DMXL1: variants seen among roughly 807,000 people sequenced by gnomAD.
DMXL1 encodes the protein Dmx like 1.
Under a neutral mutation model 319.2 loss-of-function variants are expected in DMXL1, and 99 were observed. The ratio of observed to expected loss-of-function variants is 0.31; its 90% confidence interval spans 0.26 to 0.37. The LOEUF is 0.37. DMXL1 is among the 10% of genes least tolerant of loss of function. The pLI, the probability that DMXL1 is intolerant of heterozygous loss-of-function variation, is 1.00. For missense variants in DMXL1, 3,745 were observed against 3,595.6 expected (o/e 1.04, Z -1.06); for synonymous variants, 1,385 against 1,235.2 (o/e 1.12, Z -2.54).
chr5:119,071,533 C>T lies in DMXL1; in HGVS notation c.-37C>T. The T allele has an allele frequency of 6.4e-7, 1 of 1,572,444 alleles. No individual in the cohort carries two copies. The highest frequency in any genetic ancestry group is 8.6e-7 in the Non-Finnish European group (1 of 1,156,246). ...AGCAGCCGCTGACCCGTGGCATGAG[C>T]TGGATGCGGTGTCCGTTGCAGGACT... On this transcript the variant is annotated 5_prime_UTR_variant, in exon 1 of 44. Coordinates refer to ENST00000539542, the MANE Select transcript of DMXL1 (RefSeq NM_001290321.3).
intron 23 of DMXL1, 118 bp from the exon 24 acceptor site, chr5:119,170,072 T>C: frequency 9.8e-7 from 1 of 1,016,686 alleles, no homozygotes; most frequent in Non-Finnish European, 1.4e-6. Context: ...GGCCTATTAG[T>C]AAAATTTTGT....
In DMXL1 at chr5:119,149,359, A is replaced by G. The variant is rs1335646522; in HGVS notation, c.3532A>G (p.Lys1178Glu). The G allele has an allele frequency of 5.0e-6, 8 of 1,613,836 alleles. No homozygotes were observed. Among genetic ancestry groups the G allele is most frequent in the African/African-American group, 1.3e-5 (1 of 74,914 alleles). The part of the protein sequence containing the change: ...LAGKVQDQTG[K>E]ETLAFPLWES... ...TGGCAAGGTACAAGACCAAACTGGT[A>G]AGGAAACCCTGGCATTTCCTCTCTG... The change falls in exon 18 of 44, where the codon AAG becomes GAG. Residue 1178 changes from lysine to glutamate, a missense_variant. Around this residue, in one of 4 missense-constraint regions of DMXL1, gnomAD observed 2,096 missense variants for 1,985.4 expected, o/e 1.06. Transcript: ENST00000539542.
chr5:119,147,176 G>A (rs1193206932), intron 16 of DMXL1, 73 bp from the exon 17 acceptor site: 15 of 1,351,450 alleles, frequency 1.1e-5, no homozygotes, highest in African/African-American at 1.5e-5. Flanking sequence ...GTTTTGGATT[G>A]TAAAATGTAA....
chr5:119,231,120 A>T (rs1240191139), intron 38 of DMXL1, among the ~76,000 whole-genome samples: 1 of 152,182 alleles, frequency 6.6e-6, no homozygotes, highest in Admixed American at 6.5e-5. Flanking sequence ...GAAGCATTAG[A>T]GATTCCCTTT....
In DMXL1 at chr5:119,128,420, C is replaced by T. The variant is rs1015171823; in HGVS notation, c.1103-791C>T. ...CTGCTGTTGATGCTTCTCTCCTCAG[C>T]AGCAGATCTCTTGCTGACTGACATA... On this transcript the variant is annotated intron_variant, in intron 9 of 43. Transcript: ENST00000539542. 5 of 203,050 alleles carry T rather than the reference C, an allele frequency of 2.5e-5. No homozygotes were observed. In the East Asian group the frequency reaches 5.7e-4, roughly 23 times the overall value. 12.6% of individuals were successfully genotyped at this position (203,050 alleles called of 1,614,324 possible). A position where few individuals can be genotyped will look rare whatever the true frequency, so the allele number is the denominator to read the frequency against.
intron 37 of DMXL1, among the ~76,000 whole-genome samples, chr5:119,223,346 C>T (rs1267922344): frequency 3.9e-5 from 6 of 152,132 alleles, no homozygotes; most frequent in African/African-American, 1.2e-4. Context: ...CATGAGCCAC[C>T]GTGCCCTGCC....
chr5:119,207,938 T>G (rs1459531175), intron 34 of DMXL1, among the ~76,000 whole-genome samples: 5 of 152,230 alleles, frequency 3.3e-5, no homozygotes, highest in African/African-American at 9.6e-5. Flanking sequence ...TTTTTAAGGT[T>G]ACTAATTTCT....
At chr5:119,077,721 T>C (rs1322957955) in intron 1 of DMXL1, among the ~76,000 whole-genome samples, 2 of 139,830 alleles carry the variant, frequency 1.4e-5, no homozygotes, top group African/African-American at 2.8e-5. Flanking sequence ...CTTAAAAATA[T>C]ATGTATGTGT....
chr5:119,088,576 C>T (rs746682378), intron 1 of DMXL1, among the ~76,000 whole-genome samples: 1 of 152,130 alleles, frequency 6.6e-6, no homozygotes, highest in African/African-American at 2.4e-5. Flanking sequence ...TCCTTTCTTA[C>T]TGTTATCCTT....
chr5:119,169,391 G>C (rs1422986435), intron 23 of DMXL1, among the ~76,000 whole-genome samples: 2 of 152,140 alleles, frequency 1.3e-5, no homozygotes, highest in African/African-American at 4.8e-5. Context: ...GATTACATAG[G>C]ACTGGATTTG....
intron 32 of DMXL1, among the ~76,000 whole-genome samples, chr5:119,200,061 G>T (rs1047744837): frequency 6.6e-6 from 1 of 152,126 alleles, no homozygotes; most frequent in Admixed American, 6.6e-5. Flanking sequence ...TTGTTTTGCA[G>T]AAGCTCTTAA....
intron 33 of DMXL1, 80 bp downstream of exon 33, chr5:119,203,516 A>G (rs1285198258): frequency 6.4e-6 from 5 of 783,704 alleles, no homozygotes; most frequent in Non-Finnish European, 9.4e-6. Context: ...AATGAGTTGT[A>G]TTTTACAGAT....
chr5:119,226,480 T>C (rs1423548154), intron 38 of DMXL1, among the ~76,000 whole-genome samples: 2 of 152,228 alleles, frequency 1.3e-5, no homozygotes, highest in African/African-American at 4.8e-5. Flanking sequence ...TTTTATAATT[T>C]TCTGAGTAGA....
chr5:119,097,973 T>C lies in DMXL1; in HGVS notation c.88-6T>C, dbSNP rs747655727. The stretch of plus-strand genomic sequence containing the variant: ...TTTTATCATTTTTATTTATTTATTT[T>C]TTTAGGCTTATGCATCTGGATGTGA... On this transcript the variant is annotated splice_region_variant and splice_polypyrimidine_tract_variant and intron_variant, in intron 1 of 43. Transcript: ENST00000539542. 2 of 1,599,494 alleles carry C rather than the reference T, an allele frequency of 1.3e-6. No homozygotes were observed. The highest frequency in any genetic ancestry group is 2.7e-5 in the African/African-American group (2 of 73,812).
chr5:119,133,039 C>A, intron 10 of DMXL1, 93 bp from the exon 11 acceptor site: 1 of 1,400,240 alleles, frequency 7.1e-7, no homozygotes, highest in Non-Finnish European at 9.8e-7. Flanking sequence ...CATGAGATCT[C>A]CATGTGTTCA....
intron 7 of DMXL1, among the ~76,000 whole-genome samples, chr5:119,118,156 G>C (rs1001945116): frequency 6.6e-6 from 1 of 152,162 alleles, no homozygotes; most frequent in Non-Finnish European, 1.5e-5. Context: ...GAAAGTCAAG[G>C]ATGACTAAGG....
Position 119,246,952 on chromosome 5 carries a change from C to A in DMXL1, c.8923-43C>A. 4 of 1,444,450 alleles carry A rather than the reference C, an allele frequency of 2.8e-6. No homozygotes were observed. The South Asian group carries it at 5.0e-5, about 18-fold the overall frequency. The allele number at this position is 1,444,450 out of a possible 1,614,324, so 89.5% of individuals were successfully genotyped here. A position where few individuals can be genotyped will look rare whatever the true frequency, so the allele number is the denominator to read the frequency against. On this transcript the variant is annotated intron_variant, in intron 43 of 43. Coordinates refer to ENST00000539542, the MANE Select transcript of DMXL1 (RefSeq NM_001290321.3). The stretch of plus-strand genomic sequence containing the variant: ...CTGGCCTCATTTGATTTCTTAAGGT[C>A]ATCATCAACCCTAATTTTCCGTTTG...
intron 37 of DMXL1, among the ~76,000 whole-genome samples, chr5:119,223,035 A>G (rs1784903083): frequency 6.6e-6 from 1 of 150,798 alleles, no homozygotes; most frequent in South Asian, 2.1e-4. Context: ...CCAGTTATTG[A>G]AATTATTCAT....
chr5:119,156,793 A>C (rs1040727596), intron 19 of DMXL1, among the ~76,000 whole-genome samples: 4 of 152,118 alleles, frequency 2.6e-5, no homozygotes, highest in African/African-American at 9.6e-5. Flanking sequence ...TCCCATTAGC[A>C]GTGTACCAGG....
Sources: gnomAD v4.1 joint callset for allele counts (sites outside exome capture counted in the v4.1 genomes callset) on GRCh38, gnomAD v4.1.1 for gene constraint, gnomAD v4.1.1 regional missense constraint, MANE v1.5 for transcripts, NCBI Gene and HGNC (gene_info 2026-07-23, HGNC 2026-07-21) for gene names.